CASK: variants seen among roughly 807,000 people sequenced by gnomAD.
The protein encoded by CASK is peripheral plasma membrane protein CASK.
CASK carries 4 observed loss-of-function variants against 82.9 expected under a neutral mutation model. The observed-to-expected ratio is 0.05, with a 90% CI of 0.02 to 0.11. The LOEUF (loss-of-function observed/expected upper bound fraction) is 0.11, where lower values mean the gene tolerates loss of function less well. Among genes scored for constraint, CASK ranks in the 10% least tolerant of loss-of-function variants. The pLI, the probability that CASK is intolerant of heterozygous loss-of-function variation, is 1.00. For missense variants in CASK, 358 were observed against 720.9 expected (o/e 0.50, Z 5.76); for synonymous variants, 259 against 253.5 (o/e 1.02, Z -0.20).
At chrX:41,848,061 T>C (rs1424818911) in intron 2 of CASK, among the ~76,000 whole-genome samples, 2 of 112,660 alleles carry the variant, frequency 1.8e-5, no homozygotes, top group Non-Finnish European at 3.7e-5. Context: ...TCTCATTAGC[T>C]AGCTTTTTGT....
intron 5 of CASK, among the ~76,000 whole-genome samples, chrX:41,694,634 G>A (rs768355509): frequency 8.9e-6 from 1 of 111,918 alleles, no homozygotes; most frequent in African/African-American, 3.3e-5. Flanking sequence ...TCCCATCTAC[G>A]TTATTACTCT....
At chrX:41,555,274 C>G (rs774404619) in intron 20 of CASK, among the ~76,000 whole-genome samples, 1 of 112,100 alleles carries the variant, frequency 8.9e-6, no homozygotes, top group Non-Finnish European at 1.9e-5. Flanking sequence ...TTTAGTTAGT[C>G]TTAGAATTCT....
intron 4 of CASK, among the ~76,000 whole-genome samples, chrX:41,742,534 AAC>A (rs1233949191): frequency 1.8e-5 from 2 of 111,954 alleles, no homozygotes; most frequent in Non-Finnish European, 3.8e-5. Context: ...CTAAGGACTG[AAC>A]ACAGTTTTAT....
intron 3 of CASK, among the ~76,000 whole-genome samples, chrX:41,775,602 A>T (rs1029129699): frequency 9.5e-6 from 1 of 105,166 alleles, no homozygotes. Flanking sequence ...TTACTGCGGC[A>T]CTATTCCCAA....
intron 1 of CASK, among the ~76,000 whole-genome samples, chrX:41,870,822 A>G (rs778189914): frequency 8.9e-6 from 1 of 112,170 alleles, no homozygotes; most frequent in South Asian, 3.7e-4. Context: ...GGAGGAGGGC[A>G]TGGTCTCTGT....
chrX:41,557,842 A>G (rs1472444265), intron 18 of CASK, among the ~76,000 whole-genome samples: 1 of 111,822 alleles, frequency 8.9e-6, no homozygotes, highest in Non-Finnish European at 1.9e-5. Context: ...TTAGTGTCCA[A>G]ATCAACTTTA....
At chrX:41,611,776 C>T (rs1250964178) in intron 11 of CASK, among the ~76,000 whole-genome samples, 1 of 108,931 alleles carries the variant, frequency 9.2e-6, no homozygotes, top group African/African-American at 3.3e-5. Flanking sequence ...CTGCTGCCAA[C>T]TCGGCTCACT....
At chrX:41,705,140 T>C (rs1602496804) in intron 5 of CASK, among the ~76,000 whole-genome samples, 1 of 112,581 alleles carries the variant, frequency 8.9e-6, no homozygotes. Flanking sequence ...CTTTCACTAA[T>C]AATAGCAATG....
At chrX:41,736,532 CAAAA>C (rs1406219984) in intron 5 of CASK, among the ~76,000 whole-genome samples, 1 of 111,484 alleles carries the variant, frequency 9.0e-6, no homozygotes, top group Non-Finnish European at 1.9e-5. Flanking sequence ...AACAAACAAA[CAAAA>C]AACAAACAAA....
intron 8 of CASK, among the ~76,000 whole-genome samples, chrX:41,649,349 G>A (rs1438565239): frequency 9.0e-6 from 1 of 110,910 alleles, no homozygotes; most frequent in Non-Finnish European, 1.9e-5. Flanking sequence ...GTGATGTTAG[G>A]GTGTCAATTT....
intron 8 of CASK, among the ~76,000 whole-genome samples, chrX:41,637,605 G>A (rs1380416542): frequency 9.6e-6 from 1 of 103,808 alleles, no homozygotes; most frequent in Non-Finnish European, 2.0e-5. Context: ...AGGTGACAGC[G>A]TTAAGACCCT....
At chrX:41,892,788 C>T (rs2072198168) in intron 1 of CASK, among the ~76,000 whole-genome samples, 2 of 111,892 alleles carry the variant, frequency 1.8e-5, no homozygotes, top group South Asian at 3.7e-4. Context: ...TTTGGCAGTA[C>T]GATCCACCTC....
chrX:41,696,138 A>C (rs1488649072), intron 5 of CASK: 1 of 1,208,521 alleles, frequency 8.3e-7, no homozygotes, highest in South Asian at 1.8e-5. Flanking sequence ...AATAACAACC[A>C]AACAAAGTAT....
chrX:41,614,000 T>C (rs2066151900), intron 11 of CASK, among the ~76,000 whole-genome samples: 1 of 112,575 alleles, frequency 8.9e-6, no homozygotes, highest in African/African-American at 3.2e-5. Context: ...TATTTTGAGA[T>C]AATTGTAGAT....
intron 1 of CASK, among the ~76,000 whole-genome samples, chrX:41,855,056 C>T (rs2071343756): frequency 8.9e-6 from 1 of 111,995 alleles, no homozygotes; most frequent in Admixed American, 9.4e-5. Context: ...AACTTCCCAA[C>T]ATCTGTATGT....
At chrX:41,643,806 C>T (rs1367966452) in intron 8 of CASK, among the ~76,000 whole-genome samples, 3 of 111,863 alleles carry the variant, frequency 2.7e-5, no homozygotes, top group Middle Eastern at 4.2e-3. Flanking sequence ...ACTTCCAACA[C>T]TATGTTGAAT....
chrX:41,886,810 T>C (rs1487324797), intron 1 of CASK, among the ~76,000 whole-genome samples: 3 of 111,406 alleles, frequency 2.7e-5, no homozygotes, highest in African/African-American at 9.8e-5. Context: ...CTGATACAGA[T>C]AGAAATGCCT....
At chrX:41,699,493 A>G (rs2067753600) in intron 5 of CASK, among the ~76,000 whole-genome samples, 1 of 111,305 alleles carries the variant, frequency 9.0e-6, no homozygotes, top group African/African-American at 3.3e-5. Context: ...CCTCAAACTT[A>G]AAAATTTATT....
chrX:41,830,624 T>A (rs1366038983), intron 2 of CASK, among the ~76,000 whole-genome samples: 1 of 107,269 alleles, frequency 9.3e-6, no homozygotes, highest in African/African-American at 3.4e-5. Context: ...ATCGAGACCA[T>A]CCTGGCTAAC....
Sources: allele counts gnomAD v4.1 joint callset (sites outside exome capture counted in the v4.1 genomes callset), GRCh38; gene constraint gnomAD v4.1.1; transcripts MANE v1.5; gene names NCBI Gene and HGNC (gene_info 2026-07-23, HGNC 2026-07-21).